TMOD2: variants seen among roughly 807,000 people sequenced by gnomAD.
TMOD2 encodes the protein tropomodulin 2.
TMOD2 carries 22 observed loss-of-function variants against 39.9 expected under a neutral mutation model. The ratio of observed to expected loss-of-function variants is 0.55; its 90% CI spans 0.39 to 0.79. TMOD2 has a LOEUF of 0.79. TMOD2 is among the 30% of genes least tolerant of loss of function. The pLI, the probability that TMOD2 is intolerant of heterozygous loss-of-function variation, is 0.00. For synonymous variants in TMOD2, 123 were observed against 146.1 expected (o/e 0.84, Z 1.14); for missense variants, 386 against 413.3 (o/e 0.93, Z 0.57).
Position 51,781,135 on chromosome 15 carries a change from T to C in TMOD2, c.585T>C (p.Asn195=), listed in dbSNP as rs1291762802. 3 of 1,611,982 alleles carry C rather than the reference T, an allele frequency of 1.9e-6. No individual in the cohort carries two copies. Among genetic ancestry groups the C allele is most frequent in the Non-Finnish European group, 2.5e-6 (3 of 1,179,524 alleles). The stretch of plus-strand genomic sequence containing the variant: ...TAAGCCTGCAGCAGATGAAAGCCAA[T>C]GATCCTAGCTTGCAAGAAGTCAACC... The part of the protein sequence containing the change: ...VEISLQQMKA[N]DPSLQEVNLN... The change falls in exon 6 of 10, where the codon AAT becomes AAC. Residue 195 remains asparagine, a synonymous_variant. Coordinates refer to ENST00000249700, the MANE Select transcript of TMOD2 (RefSeq NM_014548.4).
rs1202669172 is a variant in TMOD2 at position 51,778,505 on chromosome 15, A to AT, written c.493+1489dup. Among the ~76,000 whole-genome samples the AT allele has an allele frequency of 3.3e-4, 40 of 120,790 alleles. 1 individual carries two copies. The highest frequency in any genetic ancestry group is 2.3e-3 in the Admixed American group (26 of 11,498). 79.2% of individuals were successfully genotyped at this position (120,790 alleles called of 152,430 possible). ...GTATAATAATAATAAAAAATTAAAA[A>AT]TTAAAAAAAAAAAAAGAAAGAAAGA... is the stretch of plus-strand genomic sequence containing the variant. On this transcript the variant is annotated intron_variant, in intron 5 of 9. Coordinates refer to ENST00000249700, the MANE Select transcript of TMOD2 (RefSeq NM_014548.4).
chr15:51,759,907 T>G (rs760158106), intron 1 of TMOD2, among the ~76,000 whole-genome samples: 38 of 152,198 alleles, frequency 2.5e-4, no homozygotes, highest in Non-Finnish European at 5.0e-4. Context: ...GGCAGGCAGC[T>G]GTATGGAGAG....
intron 7 of TMOD2, among the ~76,000 whole-genome samples, chr15:51,788,508 A>G (rs1341982701): frequency 3.3e-5 from 5 of 152,252 alleles, no homozygotes; most frequent in African/African-American, 9.6e-5. Context: ...TTTCAAATTC[A>G]GGAAATACAG....
At chr15:51,768,537 G>C in intron 3 of TMOD2, 119 bp downstream of exon 3, 1 of 1,048,230 alleles carries the variant, frequency 9.5e-7, no homozygotes, top group South Asian at 1.7e-5. Flanking sequence ...GATCAAGCAA[G>C]GGAACTGTCC....
rs541061100 is a variant in TMOD2 at position 51,757,714 on chromosome 15, T to G, written c.-70+6002T>G. Among the ~76,000 whole-genome samples the G allele has an allele frequency of 1.2e-3, 179 of 152,294 alleles. 2 individuals are homozygous for G. Among genetic ancestry groups the G allele is most frequent in the African/African-American group, 4.1e-3 (172 of 41,560 alleles). ...TGCTAACTTCCCACGGCAGCATTGCTAACAGGACGGAAGACAAATGGGAGC... is the reference window on the plus strand; with the variant it reads ...TGCTAACTTCCCACGGCAGCATTGCGAACAGGACGGAAGACAAATGGGAGC... On this transcript the variant is annotated intron_variant, in intron 1 of 9. Coordinates refer to ENST00000249700, the MANE Select transcript of TMOD2 (RefSeq NM_014548.4).
chr15:51,802,652 T>G (rs986550013), intron 8 of TMOD2, among the ~76,000 whole-genome samples: 9 of 152,208 alleles, frequency 5.9e-5, no homozygotes, highest in Admixed American at 5.9e-4. Flanking sequence ...GTGGCAGCCC[T>G]AACCTTAGCT....
chr15:51,767,306 C>G lies in TMOD2; in HGVS notation c.126+739C>G, dbSNP rs1291419543. On this transcript the variant is annotated intron_variant, in intron 2 of 9. Coordinates refer to ENST00000249700, the MANE Select transcript of TMOD2 (RefSeq NM_014548.4). ...CTCCCAAAGTACTGGGATTATAGGCCTAAGCCACCACACCCGGCCCCAAAC... is the reference window on the plus strand; with the variant it reads ...CTCCCAAAGTACTGGGATTATAGGCGTAAGCCACCACACCCGGCCCCAAAC... Among the ~76,000 whole-genome samples, 11 of 152,096 alleles carry G rather than the reference C, an allele frequency of 7.2e-5. 1 individual carries two copies. Among genetic ancestry groups the G allele is most frequent in the Admixed American group, 7.2e-4 (11 of 15,256 alleles).
At chr15:51,757,434 CT>C (rs1448896119) in intron 1 of TMOD2, among the ~76,000 whole-genome samples, 12 of 149,362 alleles carry the variant, frequency 8.0e-5, no homozygotes, top group African/African-American at 2.9e-4. Flanking sequence ...AGCCATACTC[CT>C]TATTTTCCTT....
chr15:51,787,599 A>G (rs904829198), intron 7 of TMOD2, among the ~76,000 whole-genome samples: 3 of 152,226 alleles, frequency 2.0e-5, no homozygotes, highest in African/African-American at 4.8e-5. Context: ...ACCTCCCAGT[A>G]GGGGCCGACA....
intron 8 of TMOD2, among the ~76,000 whole-genome samples, chr15:51,799,550 A>T (rs1339862136): frequency 1.3e-5 from 2 of 152,184 alleles, no homozygotes; most frequent in Non-Finnish European, 2.9e-5. Context: ...AGGAACTTTT[A>T]CATTCGCATC....
chr15:51,780,938 G>A, intron 5 of TMOD2, 106 bp from the exon 6 acceptor site: 1 of 863,500 alleles, frequency 1.2e-6, no homozygotes. Context: ...TGCTATTAAA[G>A]TGTTATTGGA....
At chr15:51,804,585 T>G (rs8042915) in intron 8 of TMOD2, among the ~76,000 whole-genome samples, 5,705 of 139,718 alleles carry the variant, frequency 0.041, 172 homozygotes, top group Admixed American at 0.088. Context: ...GTTTTGTTTT[T>G]TTTTTTGAGA....
At chr15:51,799,467 T>A (rs1407309425) in intron 8 of TMOD2, among the ~76,000 whole-genome samples, 1 of 152,164 alleles carries the variant, frequency 6.6e-6, no homozygotes, top group Non-Finnish European at 1.5e-5. Context: ...GCAGACTGTT[T>A]TCAGTGCAGG....
At chr15:51,775,640 C>G (rs532258872) in intron 4 of TMOD2, among the ~76,000 whole-genome samples, 6 of 136,106 alleles carry the variant, frequency 4.4e-5, no homozygotes, top group Non-Finnish European at 9.1e-5. Context: ...TACAGTGGCA[C>G]AATCTCGGCT....
chr15:51,804,436 T>A (rs1009965354), intron 8 of TMOD2, among the ~76,000 whole-genome samples: 8 of 151,608 alleles, frequency 5.3e-5, no homozygotes, highest in Admixed American at 2.0e-4. Flanking sequence ...AGAAAATGTT[T>A]AGAACACTAC....
At chr15:51,777,679 C>G (rs941946792) in intron 5 of TMOD2, among the ~76,000 whole-genome samples, 1 of 152,190 alleles carries the variant, frequency 6.6e-6, no homozygotes, top group Admixed American at 6.5e-5. Context: ...AAAATGGTCC[C>G]TGCCCCACAA....
At chr15:51,796,421 G>GT (rs1567245868) in intron 7 of TMOD2, among the ~76,000 whole-genome samples, 1 of 152,072 alleles carries the variant, frequency 6.6e-6, no homozygotes, top group Non-Finnish European at 1.5e-5. Context: ...TGCAGTGTGT[G>GT]TATAAGGAGC....
chr15:51,754,597 C>T (rs2055729658), intron 1 of TMOD2, among the ~76,000 whole-genome samples: 1 of 152,192 alleles, frequency 6.6e-6, no homozygotes, highest in African/African-American at 2.4e-5. Flanking sequence ...TTAAAGTATA[C>T]ATATTTACTT....
chr15:51,752,770 C>G (rs895093686), intron 1 of TMOD2: 2 of 152,152 alleles, frequency 1.3e-5, no homozygotes, highest in African/African-American at 4.8e-5. Context: ...GCGCCTCTAC[C>G]CTAGTGAGGA....
Sources: gnomAD v4.1 joint callset for allele counts (sites outside exome capture counted in the v4.1 genomes callset) on GRCh38, gnomAD v4.1.1 for gene constraint, MANE v1.5 for transcripts, NCBI Gene and HGNC (gene_info 2026-07-23, HGNC 2026-07-21) for gene names.